Variants in NUMA1 observed in about 807,000 individuals in gnomAD.
NUMA1 encodes nuclear mitotic apparatus protein 1, also known as SP-H antigen.
Under a neutral mutation model 237.1 loss-of-function variants are expected in NUMA1, and 62 were observed. The ratio of observed to expected loss-of-function variants is 0.26; its 90% CI spans 0.21 to 0.32. The LOEUF (loss-of-function observed/expected upper bound fraction) is 0.32. NUMA1 is among the 10% of genes least tolerant of loss of function. The probability of loss-of-function intolerance (pLI) is 1.00; values close to 1 mark genes in which losing one functional copy is unlikely to be tolerated. For missense variants in NUMA1, 2,533 were observed against 2,666.5 expected, an observed-to-expected ratio of 0.95 and a Z score of 1.10; for synonymous variants, 1,028 against 1,066.1, an observed-to-expected ratio of 0.96 and a Z score of 0.70.
In NUMA1 at chr11:72,016,295, G is replaced by GA. The variant is rs773124699; in HGVS notation, c.1243-36dup. 3 of 1,584,130 alleles carry GA rather than the reference G, an allele frequency of 1.9e-6. No homozygotes were observed. The Admixed American group carries it at 5.1e-5, about 27-fold the overall frequency. ...TAAAGAGACAAACTGGGATCAGCAT[G>GA]ACTCCTCAGTCATCAAGACTCCTCT... On this transcript the variant is annotated intron_variant, in intron 14 of 26. Coordinates refer to ENST00000393695, the MANE Select transcript of NUMA1 (RefSeq NM_006185.4).
rs1292957160 is a variant in NUMA1 at position 72,012,407 on chromosome 11, A to G, written c.4644T>C (p.Thr1548=). ...CGAGGACCTCAGGCATTACCTGCTTAGTTTGCTCTCTCTGAAATACCTCTA... is the reference window on the plus strand; with the variant it reads ...CGAGGACCTCAGGCATTACCTGCTTGGTTTGCTCTCTCTGAAATACCTCTA... ...EQLEVFQREQ[T]KQVEELSKKL... Residue 1548 remains threonine, a synonymous_variant, in exon 16 of 27, where the codon ACT becomes ACC. Coordinates refer to ENST00000393695, the MANE Select transcript of NUMA1 (RefSeq NM_006185.4). 1.2e-6 allele frequency: 2 copies of G among 1,613,182 alleles called. No homozygotes were observed.
At chr11:72,062,926 G>A (rs540976798) in intron 2 of NUMA1, among the ~76,000 whole-genome samples, 33 of 151,910 alleles carry the variant, frequency 2.2e-4, no homozygotes, top group African/African-American at 8.0e-4. Context: ...AAAATTAGCT[G>A]GGCGTGGTGG....
chr11:72,004,512 G>A, intron 24 of NUMA1, 128 bp downstream of exon 24: 1 of 1,240,520 alleles, frequency 8.1e-7, no homozygotes, highest in Non-Finnish European at 1.1e-6. Context: ...CCATGGGTCA[G>A]GCCCTTGGAG....
At chr11:72,030,037 A>C (rs770215317) in intron 3 of NUMA1, among the ~76,000 whole-genome samples, 33 of 152,068 alleles carry the variant, frequency 2.2e-4, no homozygotes, top group African/African-American at 8.0e-4. Flanking sequence ...TGATTTTTTA[A>C]AAAGGGGGTG....
At chr11:72,033,087 C>G (rs145507029) in intron 3 of NUMA1, among the ~76,000 whole-genome samples, 4 of 152,110 alleles carry the variant, frequency 2.6e-5, no homozygotes, top group Non-Finnish European at 5.9e-5. Flanking sequence ...CATGCTACTA[C>G]AGTTTCATAA....
At chr11:72,017,332 A>G (rs1327357403) in intron 13 of NUMA1, 3 of 342,628 alleles carry the variant, frequency 8.8e-6, no homozygotes, top group East Asian at 1.3e-4. Flanking sequence ...AGTGCTTTAC[A>G]TACGTTTTCT....
intron 1 of NUMA1, among the ~76,000 whole-genome samples, chr11:72,077,380 G>A (rs956929314): frequency 6.6e-6 from 1 of 151,976 alleles, no homozygotes; most frequent in East Asian, 1.9e-4. Flanking sequence ...AGAAAGACAG[G>A]TTACCCACAA....
intron 24 of NUMA1, 133 bp from the exon 25 acceptor site, chr11:72,004,474 A>G: frequency 8.3e-7 from 1 of 1,211,104 alleles, no homozygotes; most frequent in Non-Finnish European, 1.2e-6. Context: ...ACTCTGGGCC[A>G]GATCCTTCCC....
At position 72,006,227 on chromosome 11, in the gene NUMA1, A is replaced by G. The variant is rs1030607132; in HGVS notation, c.5500T>C (p.Ser1834Pro). Residue 1834 changes from serine (S) to proline (P), a missense_variant, in exon 22 of 27, where the codon TCG (serine) becomes CCG (proline). This residue lies in a region of NUMA1 where 795 missense variants were observed against 750.8 expected (regional missense o/e 1.06). Coordinates refer to ENST00000393695, the MANE Select transcript of NUMA1 (RefSeq NM_006185.4). ...DVEEPDSANS[S>P]FYSTRSAPAS... ...GGAGCAGACCGCGTGCTGTAGAACGATGAGTTGGCGCTGTCTGGCTCTTCC... is the reference window on the plus strand; with the variant it reads ...GGAGCAGACCGCGTGCTGTAGAACGGTGAGTTGGCGCTGTCTGGCTCTTCC... 1 of 1,614,166 alleles carries G rather than the reference A, an allele frequency of 6.2e-7. No homozygotes were observed. Among genetic ancestry groups the G allele is most frequent in the Non-Finnish European group, 8.5e-7 (1 of 1,180,016 alleles).
At chr11:72,018,634 T>C in intron 10 of NUMA1, 121 bp from the exon 11 acceptor site, 1 of 1,053,446 alleles carries the variant, frequency 9.5e-7, no homozygotes, top group Non-Finnish European at 1.4e-6. Flanking sequence ...AGGAGGAATA[T>C]GGTATCCAAT....
intron 1 of NUMA1, among the ~76,000 whole-genome samples, chr11:72,070,247 C>T (rs1000874346): frequency 6.6e-6 from 1 of 152,240 alleles, no homozygotes; most frequent in African/African-American, 2.4e-5. Flanking sequence ...TCAAGTGTCT[C>T]TCCTCCTGCT....
chr11:72,058,297 A>C (rs547853040), intron 2 of NUMA1, among the ~76,000 whole-genome samples: 1 of 152,348 alleles, frequency 6.6e-6, no homozygotes, highest in East Asian at 1.9e-4. Flanking sequence ...ACATAAATAC[A>C]AATATATTGG....
intron 9 of NUMA1, 151 bp from the exon 10 acceptor site, chr11:72,019,131 C>T: frequency 1.3e-6 from 1 of 766,310 alleles, no homozygotes; most frequent in Non-Finnish European, 2.1e-6. Context: ...CTACCTCAAG[C>T]CTCATGACAT....
chr11:72,014,599 C>T lies in NUMA1; in HGVS notation c.2904G>A (p.Gln968=), dbSNP rs1956382526. 1 of 1,606,760 alleles carries T rather than the reference C, an allele frequency of 6.2e-7. No homozygotes were observed. The highest frequency in any genetic ancestry group is 8.5e-7 in the Non-Finnish European group (1 of 1,180,006). Residue 968 remains glutamine (Q), a synonymous_variant, in exon 15 of 27, where the codon CAG becomes CAA. Transcript: ENST00000393695. The surrounding 1 kb of genome is among the most constrained non-coding windows in gnomAD (Gnocchi z 4.6). ...RQFCSTQAAL[Q]AMEREAEQMG... The stretch of plus-strand genomic sequence containing the variant: ...TCTGCTCTGCCTCCCGCTCCATAGC[C>T]TGCAGCGCTGCCTGTGTGCTGCAGA...
chr11:72,061,927 C>T (rs1942966257), intron 2 of NUMA1, among the ~76,000 whole-genome samples: 1 of 152,156 alleles, frequency 6.6e-6, no homozygotes, highest in African/African-American at 2.4e-5. Context: ...CACACATACA[C>T]ATCACACCAC....
rs1955457991 is a variant in NUMA1 at position 72,003,908 on chromosome 11, G to T, written c.6315C>A (p.Ala2105=). 1 of 1,613,686 alleles carries T rather than the reference G, an allele frequency of 6.2e-7. No individual in the cohort carries two copies. The highest frequency in any genetic ancestry group is 1.1e-5 in the South Asian group (1 of 91,070). ...ASAATAAAIG[A]TPRAKGKAKH is the part of the protein sequence containing the mutation. ...CTACCTTGCCCTTGGCTCGAGGGGT[G>T]GCACCAATGGCGGCAGCAGTGGCGG... The change falls in exon 26 of 27, where the codon GCC becomes GCA. Residue 2105 remains alanine, a synonymous_variant. Coordinates refer to ENST00000393695, the MANE Select transcript of NUMA1 (RefSeq NM_006185.4).
At chr11:72,005,877 A>G (rs1219792812) in intron 22 of NUMA1, among the ~76,000 whole-genome samples, 158 bp downstream of exon 22, 1 of 152,196 alleles carries the variant, frequency 6.6e-6, no homozygotes, top group African/African-American at 2.4e-5. Flanking sequence ...TGGGCAGGTA[A>G]GGAAGGCCCT....
Position 72,029,198 on chromosome 11 carries a change from T to C in NUMA1, c.128+7A>G. 6.2e-7 allele frequency: 1 copy of C among 1,606,796 alleles called. No homozygotes were observed. Among genetic ancestry groups the C allele is most frequent in the Non-Finnish European group, 8.5e-7 (1 of 1,175,554 alleles). On this transcript the variant is annotated splice_region_variant and intron_variant, in intron 4 of 26. Transcript: ENST00000393695. ...AGAGGCTAGAAAGGGGTATGGTGCGTACTCACATTCTGTCAATGATCTTGA... is the reference window on the plus strand; with the variant it reads ...AGAGGCTAGAAAGGGGTATGGTGCGCACTCACATTCTGTCAATGATCTTGA...
intron 1 of NUMA1, chr11:72,070,117 T>C (rs1039800620): frequency 6.6e-6 from 1 of 152,122 alleles, no homozygotes; most frequent in Non-Finnish European, 1.5e-5. Flanking sequence ...TGGCCTTCTG[T>C]GGCAAGACTG....
Sources: gnomAD v4.1 joint callset for allele counts (sites outside exome capture counted in the v4.1 genomes callset) on GRCh38, gnomAD v4.1.1 for gene constraint, gnomAD v4.1.1 regional missense constraint, Gnocchi (gnomAD v3.1) non-coding constraint, MANE v1.5 for transcripts, NCBI Gene and HGNC (gene_info 2026-07-23, HGNC 2026-07-21) for gene names.